GOLGA5: variants seen among roughly 807,000 people sequenced by gnomAD.
The protein encoded by GOLGA5 is golgin A5, also known as golgin subfamily A member 5.
GOLGA5 carries 50 observed loss-of-function variants against 93.5 expected under a neutral mutation model. That is an observed-to-expected ratio of 0.53 (90% CI 0.43 to 0.68). GOLGA5 has a LOEUF of 0.68. GOLGA5 is among the 30% of genes least tolerant of loss of function. GOLGA5 has a pLI of 0.00. For missense variants in GOLGA5, 760 were observed against 856.4 expected (o/e 0.89, Z 1.40); for synonymous variants, 312 against 304.5 (o/e 1.02, Z -0.26).
chr14:92,798,083 C>T, intron 2 of GOLGA5, 102 bp downstream of exon 2: 1 of 799,658 alleles, frequency 1.3e-6, no homozygotes, highest in East Asian at 2.4e-5. Flanking sequence ...AATCTGTCTC[C>T]ACTGGTGTAA....
Position 92,824,818 on chromosome 14 carries a change from A to G in GOLGA5, c.1719+174A>G, listed in dbSNP as rs1885384268. Among the ~76,000 whole-genome samples, 3 of 152,240 alleles carry G rather than the reference A, an allele frequency of 2.0e-5. No homozygotes were observed. In the South Asian group the frequency reaches 6.2e-4, roughly 31 times the overall value. ...AATTCATCTAATGCCATTTGAGTCT[A>G]CATTTGCTCTGTTCTATGATTTGCT... On this transcript the variant is annotated intron_variant, in intron 9 of 12. Coordinates refer to ENST00000163416, the MANE Select transcript of GOLGA5 (RefSeq NM_005113.4).
In GOLGA5 at chr14:92,811,605, G is replaced by A; in HGVS notation, c.1171G>A (p.Glu391Lys). ...KVEMERQNLA[E>K]AITLAERKYS... ...GGAAATGGAACGTCAGAATTTAGCA[G>A]AAGCAATTACACTGGCCGAAAGAAA... The change falls in exon 6 of 13, where the codon GAA becomes AAA. Residue 391 changes from glutamate to lysine, a missense_variant. Glu to Lys is a moderately conservative substitution (Grantham distance 56, BLOSUM62 1). Coordinates refer to ENST00000163416, the MANE Select transcript of GOLGA5 (RefSeq NM_005113.4). The A allele has an allele frequency of 6.2e-7, 1 of 1,613,466 alleles. No individual in the cohort carries two copies. Among genetic ancestry groups the A allele is most frequent in the Non-Finnish European group, 8.5e-7 (1 of 1,179,474 alleles).
At chr14:92,828,004 A>G (rs1449478268) in intron 9 of GOLGA5, among the ~76,000 whole-genome samples, 2 of 152,252 alleles carry the variant, frequency 1.3e-5, no homozygotes, top group East Asian at 1.9e-4. Context: ...GAAAGAAGCC[A>G]TCTCCCAAAT....
chr14:92,817,371 A>C (rs1885232267), intron 7 of GOLGA5, among the ~76,000 whole-genome samples: 1 of 152,126 alleles, frequency 6.6e-6, no homozygotes, highest in African/African-American at 2.4e-5. Context: ...ATAATTATAG[A>C]TCTTACATTC....
At chr14:92,809,252 A>G (rs191036107) in intron 3 of GOLGA5, 48 bp from the exon 4 acceptor site, 2 of 1,306,240 alleles carry the variant, frequency 1.5e-6, no homozygotes, top group East Asian at 2.4e-5. Flanking sequence ...GCTCTGAGAA[A>G]AATGTGTTTG....
Position 92,837,383 on chromosome 14 carries a change from C to A in GOLGA5, c.2052-3C>A. On this transcript the variant is annotated splice_polypyrimidine_tract_variant and splice_region_variant and intron_variant, in intron 11 of 12. Transcript: ENST00000163416. ...TCTCCCCCTCACACCTGTGTCTGCA[C>A]AGTATTCGCCTGGGAATTTTTCTCC... 6.7e-7 allele frequency: 1 copy of A among 1,495,464 alleles called. No individual in the cohort carries two copies. Among genetic ancestry groups the A allele is most frequent in the Non-Finnish European group, 9.3e-7 (1 of 1,073,880 alleles). The allele number at this position is 1,495,464 out of a possible 1,614,324, so 92.6% of individuals were successfully genotyped here.
At chr14:92,818,389 G>A (rs1429847022) in intron 7 of GOLGA5, among the ~76,000 whole-genome samples, 2 of 152,172 alleles carry the variant, frequency 1.3e-5, no homozygotes, top group Non-Finnish European at 2.9e-5. Flanking sequence ...AAGAAATTTA[G>A]GCATGGAGAA....
chr14:92,814,858 G>T (rs1885171686), intron 6 of GOLGA5, among the ~76,000 whole-genome samples: 1 of 151,944 alleles, frequency 6.6e-6, no homozygotes, highest in African/African-American at 2.4e-5. Context: ...CATTGAGAGG[G>T]TCAAATAGTA....
chr14:92,796,008 A>G (rs892060674), intron 1 of GOLGA5, among the ~76,000 whole-genome samples: 2 of 152,258 alleles, frequency 1.3e-5, no homozygotes, highest in South Asian at 2.1e-4. Context: ...GTACTCAAAT[A>G]TATGTATGGA....
At chr14:92,826,260 T>C (rs548691961) in intron 9 of GOLGA5, among the ~76,000 whole-genome samples, 1 of 148,856 alleles carries the variant, frequency 6.7e-6, no homozygotes, top group South Asian at 2.1e-4. Flanking sequence ...TTGTACAATC[T>C]GAAAAGAGAT....
intron 7 of GOLGA5, 78 bp from the exon 8 acceptor site, chr14:92,819,630 T>G: frequency 6.8e-7 from 1 of 1,470,074 alleles, no homozygotes; most frequent in Non-Finnish European, 9.5e-7. Context: ...ACTCTGATTC[T>G]TAAAAAAGAA....
In GOLGA5 at chr14:92,815,699, C is replaced by CT. The variant is rs571410551; in HGVS notation, c.1321-529dup. On this transcript the variant is annotated intron_variant, in intron 6 of 12. Transcript: ENST00000163416. ...TAAATAAACACAAATTTTTTTTAATCTTTTTTTTTTTTTTTTTTTTTTTAG... is the reference window on the plus strand; with the variant it reads ...TAAATAAACACAAATTTTTTTTAATCTTTTTTTTTTTTTTTTTTTTTTTTAG... Among the ~76,000 whole-genome samples, 423 of 91,212 alleles carry CT rather than the reference C, an allele frequency of 4.6e-3. 3 individuals are homozygous for CT. Among genetic ancestry groups the CT allele is most frequent in the African/African-American group, 0.015 (317 of 21,742 alleles). 59.8% of individuals were successfully genotyped at this position (91,212 alleles called of 152,430 possible).
rs772332709 is a variant in GOLGA5 at position 92,806,927 on chromosome 14, G to A, written c.736G>A (p.Ala246Thr). ...NEVQSLNQEM[A>T]SLLQRSKETQ... ...AGTTCAGTCTTTAAATCAAGAAATG[G>A]CCTCGTTACTCCAAAGATCCAAAGA... The change falls in exon 3 of 13, where the codon GCC becomes ACC. Residue 246 changes from alanine to threonine, a missense_variant. Ala to Thr is a moderately conservative substitution (Grantham distance 58, BLOSUM62 0). Coordinates refer to ENST00000163416, the MANE Select transcript of GOLGA5 (RefSeq NM_005113.4). The A allele has an allele frequency of 7.4e-6, 12 of 1,611,038 alleles. No individual in the cohort carries two copies. The highest frequency in any genetic ancestry group is 1.0e-5 in the Non-Finnish European group (12 of 1,177,218).
At chr14:92,810,477 A>G (rs1040831) in intron 5 of GOLGA5, 100 bp downstream of exon 5, 47,027 of 828,826 alleles carry the variant, frequency 0.057, 1,523 homozygotes, top group Non-Finnish European at 0.066. Flanking sequence ...TAATTCTGCA[A>G]TGCATTTCAG....
At chr14:92,834,754 G>A (rs1885604945) in intron 10 of GOLGA5, among the ~76,000 whole-genome samples, 1 of 152,204 alleles carries the variant, frequency 6.6e-6, no homozygotes, top group Admixed American at 6.5e-5. Flanking sequence ...GGACTGATCT[G>A]ACTTGCACCT....
At chr14:92,794,698 G>T (rs1884681395) in intron 1 of GOLGA5, among the ~76,000 whole-genome samples, 1 of 151,892 alleles carries the variant, frequency 6.6e-6, no homozygotes, top group Non-Finnish European at 1.5e-5. Flanking sequence ...CGTTCTTCCC[G>T]CACGGAACGA....
At chr14:92,796,737 G>A (rs144626564) in intron 1 of GOLGA5, among the ~76,000 whole-genome samples, 9,493 of 143,896 alleles carry the variant, frequency 0.066, 1,157 homozygotes, top group African/African-American at 0.24. Context: ...TTGGGAGGCC[G>A]AGGCGGGTGG....
rs1445551974 is a variant in GOLGA5 at position 92,806,801 on chromosome 14, T to C, written c.610T>C (p.Ser204Pro). 3 of 1,613,878 alleles carry C rather than the reference T, an allele frequency of 1.9e-6. No homozygotes were observed. In the East Asian group the frequency reaches 6.7e-5, roughly 36 times the overall value. ...QEESSKENVS[S>P]NAACPDHTPT... ...GGAATCTTCAAAGGAAAATGTGTCA[T>C]CAAATGCTGCCTGCCCTGACCACAC... The change falls in exon 3 of 13, where the codon TCA becomes CCA. Residue 204 changes from serine to proline, a missense_variant. Physicochemically the swap from Ser to Pro is moderately conservative, Grantham distance 74. Transcript: ENST00000163416.
Position 92,806,840 on chromosome 14 carries a change from G to C in GOLGA5, c.649G>C (p.Asp217His). 6.2e-7 allele frequency: 1 copy of C among 1,613,438 alleles called. No individual in the cohort carries two copies. The highest frequency in any genetic ancestry group is 8.5e-7 in the Non-Finnish European group (1 of 1,179,396). The change falls in exon 3 of 13, where the codon GAT (aspartate) becomes CAT (histidine). Residue 217 changes from aspartate to histidine, a missense_variant. Asp to His is a moderately conservative substitution (Grantham distance 81). Coordinates refer to ENST00000163416, the MANE Select transcript of GOLGA5 (RefSeq NM_005113.4). ...CCCTGACCACACCCCAACACCTAAT[G>C]ATGATGGCAAATCACATGAACTGTC... ...ACPDHTPTPNDDGKSHELSNL... is the reference protein window; with the variant it reads ...ACPDHTPTPNHDGKSHELSNL...
Sources: gnomAD v4.1 joint callset for allele counts (sites outside exome capture counted in the v4.1 genomes callset) on GRCh38, gnomAD v4.1.1 for gene constraint, MANE v1.5 for transcripts, NCBI Gene and HGNC (gene_info 2026-07-23, HGNC 2026-07-21) for gene names.